RASGRF2: variants seen among roughly 807,000 people sequenced by gnomAD.
RASGRF2 encodes ras-specific guanine nucleotide-releasing factor 2.
RASGRF2 carries 76 observed loss-of-function variants against 151.0 expected under a neutral mutation model. That is an observed-to-expected ratio of 0.50 (90% CI 0.42 to 0.61). The LOEUF (loss-of-function observed/expected upper bound fraction) is 0.61, where lower values mean the gene tolerates loss of function less well. RASGRF2 is among the 20% of genes least tolerant of loss of function. The pLI is 0.00. For synonymous variants in RASGRF2, 504 were observed against 566.5 expected, an observed-to-expected ratio of 0.89 and a Z score of 1.57; for missense variants, 1,148 against 1,564.6, an observed-to-expected ratio of 0.73 and a Z score of 4.49.
At chr5:81,117,352 C>T (rs1753188721) in intron 15 of RASGRF2, among the ~76,000 whole-genome samples, 1 of 152,082 alleles carries the variant, frequency 6.6e-6, no homozygotes, top group Non-Finnish European at 1.5e-5. Flanking sequence ...CTTGTGAGGC[C>T]CTTCTTGCTC....
At position 81,092,043 on chromosome 5, in the gene RASGRF2, G is replaced by A. The variant is rs186585733; in HGVS notation, c.1391-758G>A. Among the ~76,000 whole-genome samples, 235 of 152,236 alleles carry A rather than the reference G, an allele frequency of 1.5e-3. 1 individual carries two copies. Among genetic ancestry groups the A allele is most frequent in the African/African-American group, 5.3e-3 (222 of 41,552 alleles). ...GATTGGAATTTTATTTTTGGGGTAGGGGGAGGTTGCTATGAGGGTGAAATC... is the reference window on the plus strand; with the variant it reads ...GATTGGAATTTTATTTTTGGGGTAGAGGGAGGTTGCTATGAGGGTGAAATC... On this transcript the variant is annotated intron_variant, in intron 9 of 26. Transcript: ENST00000265080.
chr5:81,207,351 T>C lies in RASGRF2; in HGVS notation c.3071+2T>C. The C allele has an allele frequency of 1.9e-6, 3 of 1,611,290 alleles. No homozygotes were observed. The highest frequency in any genetic ancestry group is 2.5e-6 in the Non-Finnish European group (3 of 1,177,562). Reference sequence around the variant, plus strand: ...CATTTTCAGAAGCATTCCCTACGAGTGAGTGCCACCCCCCACAGCAGCAGG... The same window carrying C: ...CATTTTCAGAAGCATTCCCTACGAGCGAGTGCCACCCCCCACAGCAGCAGG... On this transcript the variant is annotated splice_donor_variant, in intron 21 of 26. Transcript: ENST00000265080. LOFTEE classifies it high-confidence loss of function.
intron 1 of RASGRF2, among the ~76,000 whole-genome samples, chr5:81,038,727 C>G (rs1380204986): frequency 6.6e-6 from 1 of 151,872 alleles, no homozygotes; most frequent in Non-Finnish European, 1.5e-5. Flanking sequence ...AGGTGCATGC[C>G]ACCATATCTG....
intron 15 of RASGRF2, among the ~76,000 whole-genome samples, chr5:81,117,247 T>C (rs1004821942): frequency 8.5e-5 from 13 of 152,224 alleles, no homozygotes; most frequent in Non-Finnish European, 1.8e-4. Flanking sequence ...TGGGCTGTTA[T>C]AGCAGGATAT....
chr5:81,157,803 C>T (rs1176360763), intron 17 of RASGRF2, among the ~76,000 whole-genome samples: 4 of 152,116 alleles, frequency 2.6e-5, no homozygotes, highest in East Asian at 1.9e-4. Context: ...CTCACTATCA[C>T]GAGAAGAACA....
rs760072281 is a variant in RASGRF2 at position 81,113,608 on chromosome 5, C to T, written c.2158C>T (p.Arg720Cys). ...ACATTTGGTGGATGGCAAATCCCCA[C>T]GTCTGTGTCGCAAATTCTCTTCCCC... ...GEHLVDGKSP[R>C]LCRKFSSPPP... Residue 720 changes from arginine (R) to cysteine (C), a missense_variant, in exon 15 of 27, where the codon CGT (arginine) becomes TGT (cysteine). By Grantham distance (180) the Arg-to-Cys change is radical (BLOSUM62 -3). Coordinates refer to ENST00000265080, the MANE Select transcript of RASGRF2 (RefSeq NM_006909.3). 2.1e-5 allele frequency: 34 copies of T among 1,608,376 alleles called. No individual in the cohort carries two copies. Among genetic ancestry groups the T allele is most frequent in the East Asian group, 8.9e-5 (4 of 44,884 alleles).
intron 1 of RASGRF2, among the ~76,000 whole-genome samples, chr5:80,996,496 TTCTTCTTCC>T (rs1251628412): frequency 1.7e-4 from 14 of 83,084 alleles, no homozygotes; most frequent in Admixed American, 3.8e-4. Flanking sequence ...CTTCTTCTTC[TTCTTCTTCC>T]TCCTCCTCCT....
At chr5:81,059,211 C>G (rs1051979505) in intron 2 of RASGRF2, among the ~76,000 whole-genome samples, 4 of 151,220 alleles carry the variant, frequency 2.6e-5, no homozygotes, top group Non-Finnish European at 5.9e-5. Context: ...GTGAAACCCC[C>G]TCTCTACTAA....
At chr5:81,071,249 A>G (rs941742756) in intron 4 of RASGRF2, among the ~76,000 whole-genome samples, 1 of 152,212 alleles carries the variant, frequency 6.6e-6, no homozygotes, top group South Asian at 2.1e-4. Context: ...TTCCCTGGAT[A>G]TACATCTTCA....
At chr5:81,073,980 C>G (rs1045504791) in intron 5 of RASGRF2, among the ~76,000 whole-genome samples, 1 of 151,326 alleles carries the variant, frequency 6.6e-6, no homozygotes, top group Non-Finnish European at 1.5e-5. Context: ...TTTTTCTTCT[C>G]TATTTGACCT....
intron 1 of RASGRF2, among the ~76,000 whole-genome samples, chr5:81,011,696 G>A (rs541998197): frequency 1.3e-5 from 2 of 151,280 alleles, no homozygotes; most frequent in Non-Finnish European, 1.5e-5. Flanking sequence ...AGCTGAGATC[G>A]AGCCATTGCA....
intron 18 of RASGRF2, among the ~76,000 whole-genome samples, chr5:81,182,394 G>A (rs1340945057): frequency 6.6e-6 from 1 of 152,218 alleles, no homozygotes; most frequent in Non-Finnish European, 1.5e-5. Flanking sequence ...ACCTTGTCAT[G>A]TGAATCTCCT....
At chr5:81,183,041 G>A in intron 18 of RASGRF2, 1 of 340,872 alleles carries the variant, frequency 2.9e-6, no homozygotes, top group Non-Finnish European at 4.1e-6. Context: ...TCCATTTAAG[G>A]AAGAATATAG....
At chr5:81,177,179 T>G (rs1002861859) in intron 17 of RASGRF2, among the ~76,000 whole-genome samples, 3 of 152,224 alleles carry the variant, frequency 2.0e-5, no homozygotes, top group African/African-American at 7.2e-5. Context: ...CATGGAAAAT[T>G]CCTTACTTTC....
chr5:80,996,708 T>C lies in RASGRF2; in HGVS notation c.288+35682T>C, dbSNP rs186514258. On this transcript the variant is annotated intron_variant, in intron 1 of 26. Transcript: ENST00000265080. Reference sequence around the variant, plus strand: ...TCCACCTCCTGGGTTCAAGTGATTCTCATGCCTCAGGCTCCCAAGTAGCTG... The same window carrying C: ...TCCACCTCCTGGGTTCAAGTGATTCCCATGCCTCAGGCTCCCAAGTAGCTG... Among the ~76,000 whole-genome samples the C allele has an allele frequency of 1.9e-3, 288 of 150,560 alleles. 2 individuals are homozygous for C. Among genetic ancestry groups the C allele is most frequent in the Admixed American group, 0.017 (261 of 15,100 alleles).
In RASGRF2 at chr5:81,161,999, T is replaced by C. The variant is rs1489230455; in HGVS notation, c.2687-18176T>C. ...GAGGTTAGATTCTGCCAGGCAAGCA[T>C]AGACTGAGGCAGGCTTAAAACGCGT... On this transcript the variant is annotated intron_variant, in intron 17 of 26. Transcript: ENST00000265080. Among the ~76,000 whole-genome samples, 5 of 151,792 alleles carry C rather than the reference T, an allele frequency of 3.3e-5. No individual in the cohort carries two copies. The East Asian group carries it at 9.8e-4, about 30-fold the overall frequency.
At chr5:81,049,825 C>T (rs1750954936) in intron 2 of RASGRF2, among the ~76,000 whole-genome samples, 1 of 152,124 alleles carries the variant, frequency 6.6e-6, no homozygotes, top group South Asian at 2.1e-4. Flanking sequence ...GACTCCAAAA[C>T]CTATGCACTT....
intron 5 of RASGRF2, among the ~76,000 whole-genome samples, chr5:81,075,610 A>G (rs1425272249): frequency 1.3e-5 from 2 of 152,182 alleles, no homozygotes; most frequent in Non-Finnish European, 2.9e-5. Context: ...TAAGATTGCA[A>G]CGTTTTTTGG....
intron 5 of RASGRF2, among the ~76,000 whole-genome samples, chr5:81,078,733 T>C (rs1399496869): frequency 6.6e-6 from 1 of 152,358 alleles, no homozygotes; most frequent in East Asian, 1.9e-4. Flanking sequence ...TTTCTAACCA[T>C]CCAGGTATCA....
Sources: allele counts gnomAD v4.1 joint callset (sites outside exome capture counted in the v4.1 genomes callset), GRCh38; gene constraint gnomAD v4.1.1; transcripts MANE v1.5; gene names NCBI Gene and HGNC (gene_info 2026-07-23, HGNC 2026-07-21).